Variants in PPP1R14D observed in about 807,000 individuals in gnomAD.
The protein encoded by PPP1R14D is protein phosphatase 1 regulatory inhibitor subunit 14D.
Under a neutral mutation model 17.1 loss-of-function variants are expected in PPP1R14D, and 14 were observed. The observed-to-expected ratio is 0.82, with a 90% CI of 0.54 to 1.28. The LOEUF is 1.28. PPP1R14D is among the 50% of genes most tolerant of loss of function. The pLI is 0.00. For synonymous variants in PPP1R14D, 67 were observed against 66.1 expected, an observed-to-expected ratio of 1.01 and a Z score of -0.06; for missense variants, 173 against 179.2, an observed-to-expected ratio of 0.97 and a Z score of 0.20.
At chr15:40,816,338 T>A in intron 1 of PPP1R14D, 85 bp from the exon 2 acceptor site, 1 of 1,083,334 alleles carries the variant, frequency 9.2e-7, no homozygotes, top group East Asian at 2.4e-5. Flanking sequence ...AACCCACCTC[T>A]CTCCAATTTC....
intron 1 of PPP1R14D, among the ~76,000 whole-genome samples, chr15:40,821,860 G>T (rs531458509): frequency 1.3e-5 from 2 of 152,190 alleles, no homozygotes; most frequent in Non-Finnish European, 2.9e-5. Flanking sequence ...CCTGGGAGGC[G>T]GAGGCTGCGG....
chr15:40,828,657 G>A lies in PPP1R14D; in HGVS notation c.-16C>T. 2.5e-6 allele frequency: 4 copies of A among 1,589,138 alleles called. No individual in the cohort carries two copies. Among genetic ancestry groups the A allele is most frequent in the Non-Finnish European group, 3.4e-6 (4 of 1,166,980 alleles). On this transcript the variant is annotated 5_prime_UTR_variant, in exon 1 of 4. Coordinates refer to ENST00000299174, the MANE Select transcript of PPP1R14D (RefSeq NM_017726.8). The stretch of plus-strand genomic sequence containing the variant: ...AAGACAGCATGGAAGTATTGGTCTG[G>A]GCAAGGAGCTGGGAAAAACCGCCAG...
chr15:40,822,435 G>T (rs1363887111), intron 1 of PPP1R14D, among the ~76,000 whole-genome samples: 1 of 151,722 alleles, frequency 6.6e-6, no homozygotes, highest in Non-Finnish European at 1.5e-5. Context: ...GATCGCTTGA[G>T]GTCAGGAGTT....
chr15:40,818,745 G>T (rs1312583485), intron 1 of PPP1R14D, among the ~76,000 whole-genome samples: 5 of 152,234 alleles, frequency 3.3e-5, no homozygotes, highest in African/African-American at 1.2e-4. Context: ...TCTCAGGACA[G>T]TGAAACTCTT....
At chr15:40,822,608 G>A (rs933921856) in intron 1 of PPP1R14D, among the ~76,000 whole-genome samples, 1 of 150,414 alleles carries the variant, frequency 6.6e-6, no homozygotes, top group African/African-American at 2.4e-5. Context: ...TGCCTACCAC[G>A]TCCTGCTAAT....
chr15:40,815,979 A>G lies in PPP1R14D; in HGVS notation c.355T>C (p.Cys119Arg). 6.2e-7 allele frequency: 1 copy of G among 1,614,136 alleles called. No homozygotes were observed. Among genetic ancestry groups the G allele is most frequent in the South Asian group, 1.1e-5 (1 of 91,082 alleles). Residue 119 changes from cysteine to arginine, a missense_variant, in exon 3 of 4, where the codon TGC (cysteine) becomes CGC (arginine). By Grantham distance (180) the Cys-to-Arg change is radical. Coordinates refer to ENST00000299174, the MANE Select transcript of PPP1R14D (RefSeq NM_017726.8). ...KTQLEAILGN[C>R]PRPTEAFISE... ...TCCCTTACCTCTGTGGGGCGGGGGC[A>G]GTTCCCAAGAATGGCCTAGATAGGA... is the stretch of plus-strand genomic sequence containing the variant.
Position 40,828,504 on chromosome 15 carries a change from G to C in PPP1R14D, c.138C>G (p.Ser46=). Residue 46 remains serine (S), a synonymous_variant, in exon 1 of 4, where the codon TCC becomes TCG. Coordinates refer to ENST00000299174, the MANE Select transcript of PPP1R14D (RefSeq NM_017726.8). ...TGGGTCTCCGGGACCTGGGTATCTT[G>C]GAGGAGTCCGGGTGGGACTTGGACT... is the stretch of plus-strand genomic sequence containing the variant. ...DSESKSHPDS[S]KIPRSRRPSR... The C allele has an allele frequency of 6.2e-7, 1 of 1,614,224 alleles. No homozygotes were observed. Among genetic ancestry groups the C allele is most frequent in the Non-Finnish European group, 8.5e-7 (1 of 1,180,052 alleles).
intron 1 of PPP1R14D, 57 bp from the exon 2 acceptor site, chr15:40,816,310 G>C: frequency 1.4e-6 from 2 of 1,464,958 alleles, no homozygotes; most frequent in South Asian, 2.3e-5. Flanking sequence ...CTGGAATGAA[G>C]GTTACTGTCA....
At chr15:40,823,781 G>A (rs1210886155) in intron 1 of PPP1R14D, among the ~76,000 whole-genome samples, 1 of 151,958 alleles carries the variant, frequency 6.6e-6, no homozygotes, top group Admixed American at 6.6e-5. Flanking sequence ...TGATGAAATT[G>A]CTTAACAATG....
At chr15:40,816,705 G>A (rs928458301) in intron 1 of PPP1R14D, among the ~76,000 whole-genome samples, 1 of 151,948 alleles carries the variant, frequency 6.6e-6, no homozygotes, top group Non-Finnish European at 1.5e-5. Flanking sequence ...GGGTGACAGA[G>A]GGAGACTTCG....
intron 1 of PPP1R14D, among the ~76,000 whole-genome samples, chr15:40,824,982 A>G (rs1488898779): frequency 1.3e-5 from 2 of 152,054 alleles, no homozygotes; most frequent in African/African-American, 4.8e-5. Context: ...CTCTAAAGTG[A>G]CAAGAAATGG....
chr15:40,826,330 C>T (rs571202104), intron 1 of PPP1R14D, among the ~76,000 whole-genome samples: 11 of 152,140 alleles, frequency 7.2e-5, no homozygotes, highest in Non-Finnish European at 1.3e-4. Flanking sequence ...TAGGGCCCTG[C>T]TGCTCCAAAA....
intron 3 of PPP1R14D, 29 bp downstream of exon 3, chr15:40,815,932 AC>A (rs767365381): frequency 6.2e-7 from 1 of 1,612,586 alleles, no homozygotes; most frequent in Non-Finnish European, 8.5e-7. Context: ...GCCTCCTCTT[AC>A]CCCAGACCAG....
chr15:40,820,471 C>T (rs1222833161), intron 1 of PPP1R14D, among the ~76,000 whole-genome samples: 1 of 151,646 alleles, frequency 6.6e-6, no homozygotes, highest in African/African-American at 2.4e-5. Flanking sequence ...GATTAAAAAA[C>T]TTAAAAAGCA....
intron 1 of PPP1R14D, among the ~76,000 whole-genome samples, chr15:40,816,541 T>C (rs35621205): frequency 0.29 from 43,736 of 151,192 alleles, 7,100 homozygotes; most frequent in South Asian, 0.45. Context: ...GGTGAAATCC[T>C]GTCTCTACTA....
rs1890664426 is a variant in PPP1R14D at position 40,816,360 on chromosome 15, CTT to C, written c.256-109_256-108del. On this transcript the variant is annotated intron_variant, in intron 1 of 3. Coordinates refer to ENST00000299174, the MANE Select transcript of PPP1R14D (RefSeq NM_017726.8). ...CTCTCTCCAATTTCCCATGGTTAGA[CTT>C]TCTCCTCACTCAGAACACCCATTCA... 4 of 866,988 alleles carry C rather than the reference CTT, an allele frequency of 4.6e-6. No individual in the cohort carries two copies. In the Admixed American group the frequency reaches 7.9e-5, roughly 17 times the overall value. The allele number at this position is 866,988 out of a possible 1,614,324, so 53.7% of individuals were successfully genotyped here.
At chr15:40,817,238 T>C (rs1009339646) in intron 1 of PPP1R14D, 1 of 298,038 alleles carries the variant, frequency 3.4e-6, no homozygotes. Context: ...ATACCCGTAA[T>C]CCCAGCTACT....
At chr15:40,826,330 C>A (rs571202104) in intron 1 of PPP1R14D, among the ~76,000 whole-genome samples, 5 of 152,140 alleles carry the variant, frequency 3.3e-5, no homozygotes, top group African/African-American at 1.2e-4. Flanking sequence ...TAGGGCCCTG[C>A]TGCTCCAAAA....
At chr15:40,820,449 G>A (rs945513745) in intron 1 of PPP1R14D, among the ~76,000 whole-genome samples, 11 of 151,794 alleles carry the variant, frequency 7.2e-5, no homozygotes, top group Admixed American at 2.6e-4. Flanking sequence ...GTGAGCCACC[G>A]AGCCTGGCCT....
Sources: allele counts gnomAD v4.1 joint callset (sites outside exome capture counted in the v4.1 genomes callset), GRCh38; gene constraint gnomAD v4.1.1; transcripts MANE v1.5; gene names NCBI Gene and HGNC (gene_info 2026-07-23, HGNC 2026-07-21).